FANCA: variants seen among roughly 807,000 people sequenced by gnomAD.
FANCA encodes Fanconi anemia group A protein.
A neutral mutation model predicts 194.3 loss-of-function variants in FANCA; 236 were observed. The observed-to-expected ratio is 1.21, with a 90% CI of 1.09 to 1.35. The LOEUF is 1.35. Among genes scored for constraint, FANCA ranks in the 40% most tolerant of loss-of-function variants. The pLI, the probability that FANCA is intolerant of heterozygous loss-of-function variation, is 0.00. For missense variants in FANCA, 2,628 were observed against 1,813.9 expected (o/e 1.45, Z -8.15); for synonymous variants, 1,014 against 715.8 (o/e 1.42, Z -6.65).
chr16:89,786,210 G>C (rs1283159796), intron 14 of FANCA, among the ~76,000 whole-genome samples: 2 of 151,092 alleles, frequency 1.3e-5, no homozygotes, highest in East Asian at 1.9e-4. Flanking sequence ...CTGAGACAAA[G>C]CCTCACTCTG....
chr16:89,778,726 C>T (rs373021117), intron 20 of FANCA, 75 bp downstream of exon 20: 6 of 1,390,574 alleles, frequency 4.3e-6, no homozygotes, highest in Admixed American at 1.7e-5. Context: ...AATTTCTCTA[C>T]AGAAGATCCA....
intron 6 of FANCA, among the ~76,000 whole-genome samples, chr16:89,805,615 C>G (rs146603179): frequency 6.6e-6 from 1 of 152,120 alleles, no homozygotes; most frequent in Admixed American, 6.6e-5. Flanking sequence ...CATACCACCA[C>G]GCCCAGCTGG....
chr16:89,752,002 CTGTG>C (rs1221107943), intron 31 of FANCA, 132 bp downstream of exon 31: 5 of 784,340 alleles, frequency 6.4e-6, no homozygotes, highest in Admixed American at 3.4e-5. Context: ...GATCTCCTGA[CTGTG>C]TGATCCGCCT....
intron 36 of FANCA, chr16:89,744,675 T>TG: frequency 2.1e-5 from 9 of 438,770 alleles, no homozygotes; most frequent in African/African-American, 6.4e-5. Context: ...GTTTTTTTTT[T>TG]TGTTTTTTTT....
intron 36 of FANCA, chr16:89,744,632 G>T: frequency 2.7e-6 from 1 of 377,104 alleles, no homozygotes; most frequent in South Asian, 2.2e-5. Context: ...GGGAGAGGCC[G>T]TTCCTCACTC....
intron 14 of FANCA, among the ~76,000 whole-genome samples, chr16:89,785,642 C>T (rs890685973): frequency 2.6e-5 from 4 of 152,124 alleles, no homozygotes; most frequent in East Asian, 1.9e-4. Flanking sequence ...TGGCCCTGAA[C>T]GCATCATAGT....
chr16:89,792,617 A>G, intron 11 of FANCA, 70 bp from the exon 12 acceptor site: 7 of 1,392,326 alleles, frequency 5.0e-6, no homozygotes, highest in Non-Finnish European at 7.1e-6. Flanking sequence ...GTTAAGGACC[A>G]GCCCCACAGG....
intron 3 of FANCA, among the ~76,000 whole-genome samples, chr16:89,811,385 G>A (rs1404720249): frequency 1.3e-5 from 2 of 152,190 alleles, no homozygotes; most frequent in Non-Finnish European, 2.9e-5. Flanking sequence ...TTTTTACAAA[G>A]GAGCACAATA....
In FANCA at chr16:89,742,850, C is replaced by T. The variant is rs2143061441; in HGVS notation, c.3715G>A (p.Glu1239Lys). 2 of 1,614,152 alleles carry T rather than the reference C, an allele frequency of 1.2e-6. No individual in the cohort carries two copies. Among genetic ancestry groups the T allele is most frequent in the Non-Finnish European group, 1.7e-6 (2 of 1,180,024 alleles). Reference protein sequence around the residue: ...ALHFAIQQVREENIRKQLKKL... With the variant: ...ALHFAIQQVRKENIRKQLKKL... ...TTTAGCTGCTTCCTGATGTTTTCTT[C>T]CCTGACTTGTTGAATCGCAAAGTGC... is the stretch of plus-strand genomic sequence containing the variant. The change falls in exon 37 of 43, where the codon GAA becomes AAA. Residue 1239 changes from glutamate to lysine, a missense_variant. Transcript: ENST00000389301.
At position 89,746,672 on chromosome 16, in the gene FANCA, C is replaced by A; in HGVS notation, c.3425G>T (p.Cys1142Phe). ...AHFFRGLLNA[C>F]LRSRDPSLMV... is the part of the protein sequence containing the mutation. ...CAGGGAGGGGTCTCTGCTCCGCAGA[C>A]AGGCGTTCAGGAGGCCCTGCAGGAG... The change falls in exon 35 of 43, where the codon TGT becomes TTT. Residue 1142 changes from cysteine (C) to phenylalanine (F), a missense_variant. Coordinates refer to ENST00000389301, the MANE Select transcript of FANCA (RefSeq NM_000135.4). 6.2e-7 allele frequency: 1 copy of A among 1,614,110 alleles called. No individual in the cohort carries two copies. Among genetic ancestry groups the A allele is most frequent in the Non-Finnish European group, 8.5e-7 (1 of 1,180,014 alleles).
chr16:89,795,495 G>A (rs777022172), intron 11 of FANCA, among the ~76,000 whole-genome samples: 9 of 151,882 alleles, frequency 5.9e-5, no homozygotes, highest in African/African-American at 1.9e-4. Flanking sequence ...AAAATTAACC[G>A]GGTGTGGTGG....
rs1181727153 is a variant in FANCA at position 89,810,968 on chromosome 16, C to T, written c.387G>A (p.Ala129=). ...SSVGQICTAP[A]ETSHPVLLTV... ...TCAGCAGCACAGGGTGACTGGTCTC[C>T]GCTGGAGCCGTGCAGATCTGTCCCA... The change falls in exon 4 of 43, where the codon GCG becomes GCA. Residue 129 remains alanine, a synonymous_variant. Transcript: ENST00000389301. 7 of 1,613,964 alleles carry T rather than the reference C, an allele frequency of 4.3e-6. No individual in the cohort carries two copies. Among genetic ancestry groups the T allele is most frequent in the East Asian group, 2.2e-5 (1 of 44,896 alleles).
chr16:89,778,943 C>A lies in FANCA; in HGVS notation c.1776G>T (p.Val592=). 6.2e-7 allele frequency: 1 copy of A among 1,614,134 alleles called. No individual in the cohort carries two copies. The highest frequency in any genetic ancestry group is 1.1e-5 in the South Asian group (1 of 91,076). The change falls in exon 19 of 43, where the codon GTG becomes GTT. Residue 592 remains valine (V), a splice_region_variant and synonymous_variant. Coordinates refer to ENST00000389301, the MANE Select transcript of FANCA (RefSeq NM_000135.4). ...HFLPALLTPR[V]LPKVPDSRVA... is the part of the protein sequence containing the mutation. ...CAAACTCATGGAGACGCATACTGAC[C>A]ACTCGAGGTGTGAGCAGGGCGGGGA...
chr16:89,768,923 G>C (rs542880876), intron 26 of FANCA, among the ~76,000 whole-genome samples: 1 of 152,102 alleles, frequency 6.6e-6, no homozygotes, highest in East Asian at 1.9e-4. Flanking sequence ...CCAGTACTCA[G>C]TGTTTGGGGC....
At chr16:89,765,106 A>G (rs201623450) in intron 27 of FANCA, 40 bp from the exon 28 acceptor site, 3 of 1,610,894 alleles carry the variant, frequency 1.9e-6, no homozygotes, top group East Asian at 4.5e-5. Context: ...TCATTGCGCA[A>G]GTTTCACTGT....
In FANCA at chr16:89,784,840, A is replaced by G. The variant is rs773675617; in HGVS notation, c.1470+14T>C. ...AAGCACCAGAAATCATGGATGTGGC[A>G]GCCAGCTTCTCACCTGCAGGTACCG... On this transcript the variant is annotated intron_variant, in intron 15 of 42. Coordinates refer to ENST00000389301, the MANE Select transcript of FANCA (RefSeq NM_000135.4). 8 of 1,592,436 alleles carry G rather than the reference A, an allele frequency of 5.0e-6. No individual in the cohort carries two copies. The highest frequency in any genetic ancestry group is 1.3e-5 in the African/African-American group (1 of 74,586).
At chr16:89,774,224 C>T (rs1450449689) in intron 21 of FANCA, among the ~76,000 whole-genome samples, 2 of 152,176 alleles carry the variant, frequency 1.3e-5, no homozygotes, top group Non-Finnish European at 2.9e-5. Flanking sequence ...CTCTAGAAAT[C>T]ATAGGCTCTA....
intron 8 of FANCA, 151 bp downstream of exon 8, chr16:89,803,108 C>T: frequency 1.3e-6 from 1 of 784,106 alleles, no homozygotes; most frequent in Non-Finnish European, 2.2e-6. Context: ...CTGACTTGAT[C>T]ATTACACTCT....
rs1218121624 is a variant in FANCA, at chr16:89,783,060, A to C, written c.1513T>G (p.Ser505Ala). ...HPPLVPGKYR[S>A]LLTDYISLAK... ...AATGAGATGTAGTCTGTGAGGAGGG[A>C]GCGGTACTTGCCGGGAACCAGGGGT... The change falls in exon 16 of 43, where the codon TCC (serine) becomes GCC (alanine). Residue 505 changes from serine (S) to alanine (A), a missense_variant. Physicochemically the swap from Ser to Ala is moderately conservative, Grantham distance 99. Transcript: ENST00000389301. The C allele has an allele frequency of 5.1e-5, 83 of 1,613,852 alleles. 1 individual carries two copies. The highest frequency in any genetic ancestry group is 6.9e-5 in the Non-Finnish European group (81 of 1,179,876).
Sources: allele counts gnomAD v4.1 joint callset (sites outside exome capture counted in the v4.1 genomes callset), GRCh38; gene constraint gnomAD v4.1.1; transcripts MANE v1.5; gene names NCBI Gene and HGNC (gene_info 2026-07-23, HGNC 2026-07-21).